Variants in TANC2 observed in about 807,000 individuals in gnomAD.
The protein encoded by TANC2 is protein TANC2.
Under a neutral mutation model 210.5 loss-of-function variants are expected in TANC2, and 26 were observed. The observed-to-expected ratio is 0.12, with a 90% CI of 0.09 to 0.17. TANC2 has a LOEUF of 0.17. TANC2 is among the 10% of genes least tolerant of loss of function. TANC2 has a pLI of 1.00. For missense variants in TANC2, 2,129 were observed against 2,608.9 expected (o/e 0.82, Z 4.01); for synonymous variants, 931 against 967.1 (o/e 0.96, Z 0.69).
rs182901481 is a variant in TANC2, at chr17:63,165,645, C to T, written c.433+14265C>T. The stretch of plus-strand genomic sequence containing the variant: ...TATTGTGCAACTTCTAGAAAACATC[C>T]CAGATTTGGAAACCAACAGAAAATA... On this transcript the variant is annotated intron_variant, in intron 5 of 27. Transcript: ENST00000689528. Among the ~76,000 whole-genome samples the T allele has an allele frequency of 1.2e-3, 176 of 152,230 alleles. 4 individuals carry two copies. The highest frequency in any genetic ancestry group is 9.9e-3 in the Admixed American group (151 of 15,294).
intron 4 of TANC2, among the ~76,000 whole-genome samples, chr17:63,116,835 CTT>C (rs1484545391): frequency 6.6e-6 from 1 of 152,144 alleles, no homozygotes; most frequent in Non-Finnish European, 1.5e-5. Context: ...AATTTTAACA[CTT>C]AATAAATTAT....
intron 5 of TANC2, 59 bp downstream of exon 5, chr17:63,151,439 A>G: frequency 1.2e-6 from 1 of 840,258 alleles, no homozygotes; most frequent in Non-Finnish European, 1.4e-6. Flanking sequence ...AGGCCCATCC[A>G]GCAGAGCAGT....
At chr17:63,178,237 G>A (rs2145628137) in intron 5 of TANC2, among the ~76,000 whole-genome samples, 1 of 152,270 alleles carries the variant, frequency 6.6e-6, no homozygotes, top group Admixed American at 6.5e-5. Flanking sequence ...GGAGGCTGAG[G>A]CAGGAGAATG....
chr17:63,328,015 A>G (rs897054369), intron 11 of TANC2, among the ~76,000 whole-genome samples: 8 of 152,192 alleles, frequency 5.3e-5, no homozygotes, highest in Non-Finnish European at 1.2e-4. Flanking sequence ...ATGAGTGAGA[A>G]CATGCGGTGT....
chr17:63,195,132 A>C (rs1478232274), intron 6 of TANC2, among the ~76,000 whole-genome samples: 1 of 152,182 alleles, frequency 6.6e-6, no homozygotes, highest in Non-Finnish European at 1.5e-5. Flanking sequence ...TGCTGTCCTC[A>C]AGCCTCACTC....
intron 4 of TANC2, among the ~76,000 whole-genome samples, chr17:63,108,989 A>G (rs959033131): frequency 3.3e-5 from 5 of 151,492 alleles, no homozygotes; most frequent in African/African-American, 1.2e-4. Context: ...TTTTAAAATA[A>G]CTTTTTAAAA....
chr17:63,262,440 T>G (rs1007566703), intron 8 of TANC2, among the ~76,000 whole-genome samples: 3 of 152,312 alleles, frequency 2.0e-5, no homozygotes, highest in African/African-American at 7.2e-5. Context: ...TCCTCCCACC[T>G]CAGCCTTCTT....
At chr17:63,268,505 T>C (rs888372416) in intron 9 of TANC2, among the ~76,000 whole-genome samples, 1 of 152,218 alleles carries the variant, frequency 6.6e-6, no homozygotes, top group African/African-American at 2.4e-5. Context: ...ATTATATATA[T>C]GCAAATATTC....
chr17:63,399,983 A>G (rs1347446702), intron 19 of TANC2, among the ~76,000 whole-genome samples: 2 of 152,264 alleles, frequency 1.3e-5, no homozygotes, highest in Non-Finnish European at 2.9e-5. Context: ...AGGAAAGTGT[A>G]CAGCTGGAAA....
chr17:63,007,640 A>T (rs1040234390), intron 1 of TANC2, among the ~76,000 whole-genome samples: 5 of 152,128 alleles, frequency 3.3e-5, no homozygotes, highest in Admixed American at 2.6e-4. Context: ...TTTTTGAGTT[A>T]TTGAAGTCTA....
intron 5 of TANC2, among the ~76,000 whole-genome samples, chr17:63,184,938 A>G (rs1022630424): frequency 6.8e-6 from 1 of 147,416 alleles, no homozygotes; most frequent in Admixed American, 6.7e-5. Context: ...AGCCCTATGT[A>G]TTCTTTTGAA....
chr17:62,994,459 T>G (rs1377211018), intron 1 of TANC2, among the ~76,000 whole-genome samples: 1 of 152,092 alleles, frequency 6.6e-6, no homozygotes, highest in Non-Finnish European at 1.5e-5. Flanking sequence ...GTTCAGTTTT[T>G]CAGAATTAAG....
intron 12 of TANC2, among the ~76,000 whole-genome samples, chr17:63,344,321 A>AT (rs1481671233): frequency 6.6e-6 from 1 of 152,220 alleles, no homozygotes; most frequent in Admixed American, 6.5e-5. Flanking sequence ...CCAATTAGTG[A>AT]TAAAAACTAC....
chr17:63,412,721 C>T lies in TANC2; in HGVS notation c.3928+12C>T, dbSNP rs1006827981. On this transcript the variant is annotated intron_variant, in intron 24 of 27. Coordinates refer to ENST00000689528, the Ensembl canonical transcript of TANC2. This position sits in a 1 kb window ranked among gnomAD's most constrained non-coding sequence, Gnocchi z 4.2. ...GAGTCGCCCACGAGGTATATTTCAC[C>T]GCTGTCAGCATCAGGCGTGGTCTGA... is the stretch of plus-strand genomic sequence containing the variant. 1.2e-5 allele frequency: 19 copies of T among 1,535,976 alleles called. No homozygotes were observed. Among genetic ancestry groups the T allele is most frequent in the Non-Finnish European group, 1.6e-5 (18 of 1,146,894 alleles).
chr17:63,295,408 G>A (rs934048801), intron 9 of TANC2, among the ~76,000 whole-genome samples: 2 of 152,188 alleles, frequency 1.3e-5, no homozygotes, highest in African/African-American at 4.8e-5. Flanking sequence ...AGAAACTGAG[G>A]CCTTTGAGTC....
exon 20 of TANC2, chr17:63,405,216 A>T (rs752104449): frequency 6.2e-7 from 1 of 1,608,440 alleles, no homozygotes; most frequent in South Asian, 1.1e-5. Context: ...GCCGAGGAGC[A>T]GTGCCACTAT....
Position 63,388,614 on chromosome 17 carries a change from TTGTC to T in TANC2, c.2692-17_2692-14del. On this transcript the variant is annotated splice_polypyrimidine_tract_variant and intron_variant, in intron 15 of 27. Coordinates refer to ENST00000689528, the Ensembl canonical transcript of TANC2. ...TTTTTTTGCTGGGCTACTAATTTAA[TTGTC>T]TGTATTTCTTATTCAGGGTTTGAGT... 2 of 1,587,420 alleles carry T rather than the reference TTGTC, an allele frequency of 1.3e-6. No homozygotes were observed. Among genetic ancestry groups the T allele is most frequent in the Non-Finnish European group, 1.7e-6 (2 of 1,167,936 alleles).
chr17:63,006,215 A>G (rs1388755567), intron 1 of TANC2, among the ~76,000 whole-genome samples: 2 of 151,644 alleles, frequency 1.3e-5, no homozygotes, highest in Non-Finnish European at 2.9e-5. Flanking sequence ...CATAAATCTG[A>G]TATGTGGCTT....
At chr17:63,116,738 G>T (rs1360780353) in intron 4 of TANC2, among the ~76,000 whole-genome samples, 2 of 152,054 alleles carry the variant, frequency 1.3e-5, no homozygotes, top group Non-Finnish European at 2.9e-5. Context: ...TTTAATTAGG[G>T]TTTTAATATC....
Sources: gnomAD v4.1 joint callset for allele counts (sites outside exome capture counted in the v4.1 genomes callset) on GRCh38, gnomAD v4.1.1 for gene constraint, Gnocchi (gnomAD v3.1) non-coding constraint, MANE v1.5 for transcripts, NCBI Gene and HGNC (gene_info 2026-07-23, HGNC 2026-07-21) for gene names.